Variants in SLC24A5 observed in about 807,000 individuals in gnomAD.
SLC24A5 encodes sodium/potassium/calcium exchanger 5.
Under a neutral mutation model 51.6 loss-of-function variants are expected in SLC24A5, and 46 were observed. That is an observed-to-expected ratio of 0.89 (90% CI 0.70 to 1.14). SLC24A5 has a LOEUF of 1.14. Among genes scored for constraint, SLC24A5 ranks in the 50% most tolerant of loss-of-function variants. The pLI is 0.00. For missense variants in SLC24A5, 581 were observed against 604.1 expected (o/e 0.96, Z 0.40); for synonymous variants, 230 against 214.9 (o/e 1.07, Z -0.62).
At chr15:48,136,528 T>C (rs2140739700) in intron 5 of SLC24A5, 155 bp from the exon 6 acceptor site, 1 of 646,292 alleles carries the variant, frequency 1.5e-6, no homozygotes, top group East Asian at 2.8e-5. Context: ...TGTAATCAAG[T>C]CTGGACAAAT....
At chr15:48,131,127 TG>T (rs1257925621) in intron 2 of SLC24A5, among the ~76,000 whole-genome samples, 7 of 152,160 alleles carry the variant, frequency 4.6e-5, no homozygotes, top group African/African-American at 1.7e-4. Context: ...ATTTCTAAAA[TG>T]AAAAACAGTT....
intron 2 of SLC24A5, chr15:48,122,449 T>C: frequency 4.2e-6 from 1 of 238,034 alleles, no homozygotes; most frequent in Admixed American, 5.1e-5. Context: ...ACTTTGATTA[T>C]AAAAAGTGAT....
At position 48,142,563 on chromosome 15, in the gene SLC24A5, A is replaced by G; in HGVS notation, c.*212A>G. Reference sequence around the variant, plus strand: ...TTATAAAACAGAAGTTTGGGGGGAAAAAATCTATGTTTTACCATACAATAA... The same window carrying G: ...TTATAAAACAGAAGTTTGGGGGGAAGAAATCTATGTTTTACCATACAATAA... On this transcript the variant is annotated 3_prime_UTR_variant, in exon 9 of 9. Coordinates refer to ENST00000341459, the MANE Select transcript of SLC24A5 (RefSeq NM_205850.3). 2 of 479,778 alleles carry G rather than the reference A, an allele frequency of 4.2e-6. No homozygotes were observed. The highest frequency in any genetic ancestry group is 3.4e-5 in the East Asian group (1 of 29,374). 29.7% of individuals were successfully genotyped at this position (479,778 alleles called of 1,614,324 possible).
At chr15:48,132,801 T>A (rs1273998156) in intron 2 of SLC24A5, among the ~76,000 whole-genome samples, 4 of 152,100 alleles carry the variant, frequency 2.6e-5, no homozygotes, top group African/African-American at 9.7e-5. Context: ...ATGAGGTTTC[T>A]CCAGTATGGG....
At chr15:48,135,162 T>G in intron 5 of SLC24A5, 178 bp downstream of exon 5, 1 of 501,410 alleles carries the variant, frequency 2.0e-6, no homozygotes, top group Admixed American at 3.3e-5. Flanking sequence ...CTCACTAGTT[T>G]GCAATTTCTT....
rs956081681 is a variant in SLC24A5 at position 48,141,190 on chromosome 15, G to A, written c.1156G>A (p.Ala386Thr). The change falls in exon 8 of 9, where the codon GCA (alanine) becomes ACA (threonine). Residue 386 changes from alanine to threonine, a missense_variant. Transcript: ENST00000341459. Reference protein sequence around the residue: ...AAGTSIPDTIASVLVARKGKG... With the variant: ...AAGTSIPDTITSVLVARKGKG... ...AGGAACAAGCATACCAGACACAATT[G>A]CAAGTGTGTTGGTTGCAAGAAAAGG... 3.7e-6 allele frequency: 6 copies of A among 1,613,640 alleles called. No homozygotes were observed. In the African/African-American group the frequency reaches 6.7e-5, roughly 18 times the overall value.
chr15:48,127,291 T>C (rs565917989), intron 2 of SLC24A5, among the ~76,000 whole-genome samples: 69 of 152,308 alleles, frequency 4.5e-4, no homozygotes, highest in African/African-American at 1.6e-3. Context: ...CTACAGAGGT[T>C]AGAATCCTTT....
In SLC24A5 at chr15:48,134,452, G is replaced by A; in HGVS notation, c.403G>A (p.Gly135Arg). 6.2e-7 allele frequency: 1 copy of A among 1,613,310 alleles called. No homozygotes were observed. The highest frequency in any genetic ancestry group is 8.5e-7 in the Non-Finnish European group (1 of 1,179,426). The change falls in exon 4 of 9, where the codon GGA (glycine) becomes AGA (arginine). Residue 135 changes from glycine (G) to arginine (R), a missense_variant. Transcript: ENST00000341459. ...GCACATAGGTGTATTTATCACAAAG[G>A]GAGATATTGGCATTAGCACCATCCT... ...TAFLGVFITK[G>R]DIGISTILGS...
intron 2 of SLC24A5, among the ~76,000 whole-genome samples, chr15:48,127,072 C>T (rs751591777): frequency 2.6e-5 from 4 of 152,256 alleles, no homozygotes; most frequent in Non-Finnish European, 5.9e-5. Context: ...GTTCAAATCC[C>T]GGCTCTGCCA....
chr15:48,136,461 T>TAAA, intron 5 of SLC24A5: 13 of 314,748 alleles, frequency 4.1e-5, no homozygotes, highest in Non-Finnish European at 6.8e-5. Flanking sequence ...ATCTTGTTTT[T>TAAA]AAAAAAAAAA....
chr15:48,127,636 T>C (rs1232294720), intron 2 of SLC24A5, among the ~76,000 whole-genome samples: 1 of 152,084 alleles, frequency 6.6e-6, no homozygotes, highest in African/African-American at 2.4e-5. Flanking sequence ...CTGGCCAACA[T>C]GGTAAAACCC....
chr15:48,134,618 C>A, intron 4 of SLC24A5, 80 bp downstream of exon 4: 1 of 1,057,066 alleles, frequency 9.5e-7, no homozygotes, highest in Non-Finnish European at 1.4e-6. Flanking sequence ...GGATGGACAA[C>A]AGGGCACTAA....
At chr15:48,133,822 G>T (rs1237523493) in intron 2 of SLC24A5, among the ~76,000 whole-genome samples, 1 of 152,124 alleles carries the variant, frequency 6.6e-6, no homozygotes, top group African/African-American at 2.4e-5. Flanking sequence ...CAGTTGAGAT[G>T]ACTTAACAGA....
chr15:48,132,039 C>T (rs1176585206), intron 2 of SLC24A5, among the ~76,000 whole-genome samples: 1 of 152,072 alleles, frequency 6.6e-6, no homozygotes, highest in Non-Finnish European at 1.5e-5. Flanking sequence ...AAAATGAAAG[C>T]CAAAGTCCTT....
At chr15:48,126,287 A>G (rs2038730688) in intron 2 of SLC24A5, among the ~76,000 whole-genome samples, 1 of 152,096 alleles carries the variant, frequency 6.6e-6, no homozygotes, top group African/African-American at 2.4e-5. Flanking sequence ...CACCATCTTA[A>G]CTGTATGGAG....
chr15:48,137,024 A>G (rs1181349886), intron 6 of SLC24A5, 61 bp downstream of exon 6: 3 of 1,497,896 alleles, frequency 2.0e-6, no homozygotes, highest in Non-Finnish European at 2.7e-6. Context: ...TTAAAATTTC[A>G]TTTCAATTCA....
At position 48,121,844 on chromosome 15, in the gene SLC24A5, T is replaced by C; in HGVS notation, c.122-13T>C. 7 of 1,613,410 alleles carry C rather than the reference T, an allele frequency of 4.3e-6. No individual in the cohort carries two copies. The highest frequency in any genetic ancestry group is 5.1e-6 in the Non-Finnish European group (6 of 1,179,356). ...CCAAACTCTTCAAACTTTCACCTCC[T>C]TTTCCTTAACAGGAAATAGCACCCA... On this transcript the variant is annotated splice_polypyrimidine_tract_variant and intron_variant, in intron 1 of 8. Transcript: ENST00000341459.
At position 48,137,431 on chromosome 15, in the gene SLC24A5, G is replaced by C. The variant is rs534955268; in HGVS notation, c.871+468G>C. On this transcript the variant is annotated intron_variant, in intron 6 of 8. Coordinates refer to ENST00000341459, the MANE Select transcript of SLC24A5 (RefSeq NM_205850.3). ...AGGAGAGGAAAGGTAGAAAGGAATA[G>C]GATAAGAAGAATCTTAAATGCTATT... The C allele has an allele frequency of 1.3e-5, 2 of 152,736 alleles. 1 individual carries two copies. The highest frequency in any genetic ancestry group is 3.8e-4 in the East Asian group (2 of 5,200). 9.5% of individuals were successfully genotyped at this position (152,736 alleles called of 1,614,324 possible). A position where few individuals can be genotyped will look rare whatever the true frequency, so the allele number is the denominator to read the frequency against.
chr15:48,134,701 G>A lies in SLC24A5; in HGVS notation c.489+163G>A. On this transcript the variant is annotated intron_variant, in intron 4 of 8. Coordinates refer to ENST00000341459, the MANE Select transcript of SLC24A5 (RefSeq NM_205850.3). ...TCAATTTAATGTTAATCCACAAATA[G>A]CTCTTGGTCAGATTTATGAAAGTCT... is the stretch of plus-strand genomic sequence containing the variant. 5.6e-6 allele frequency: 4 copies of A among 715,060 alleles called. No individual in the cohort carries two copies. The South Asian group carries it at 8.0e-5, about 14-fold the overall frequency. The allele number at this position is 715,060 out of a possible 1,614,324, so 44.3% of individuals were successfully genotyped here.
Sources: allele counts gnomAD v4.1 joint callset (sites outside exome capture counted in the v4.1 genomes callset), GRCh38; gene constraint gnomAD v4.1.1; transcripts MANE v1.5; gene names NCBI Gene and HGNC (gene_info 2026-07-23, HGNC 2026-07-21).